TBL1X: variants seen among roughly 807,000 people sequenced by gnomAD.
TBL1X encodes the protein F-box-like/WD repeat-containing protein TBL1X.
Under a neutral mutation model 50.7 loss-of-function variants are expected in TBL1X, and 10 were observed. The observed-to-expected ratio is 0.20, with a 90% confidence interval of 0.12 to 0.33. The LOEUF (loss-of-function observed/expected upper bound fraction) is 0.33, where lower values mean the gene tolerates loss of function less well. TBL1X is among the 10% of genes least tolerant of loss of function. The pLI, the probability that TBL1X is intolerant of heterozygous loss-of-function variation, is 1.00. For synonymous variants in TBL1X, 190 were observed against 214.7 expected (o/e 0.88, Z 1.01); for missense variants, 340 against 504.4 (o/e 0.67, Z 3.12).
chrX:9,651,735 T>C (rs1601817387), intron 3 of TBL1X, among the ~76,000 whole-genome samples: 1 of 112,867 alleles, frequency 8.9e-6, no homozygotes, highest in Non-Finnish European at 1.9e-5. Context: ...AGGACAGACT[T>C]GTATTTTGAC....
intron 16 of TBL1X, among the ~76,000 whole-genome samples, chrX:9,713,661 C>T (rs1353997081): frequency 9.1e-6 from 1 of 110,353 alleles, no homozygotes; most frequent in Non-Finnish European, 1.9e-5. Context: ...CTCCTGACCC[C>T]AGGCAATCTA....
intron 2 of TBL1X, among the ~76,000 whole-genome samples, chrX:9,536,847 A>C (rs1023987225): frequency 1.8e-5 from 2 of 111,690 alleles, no homozygotes; most frequent in Non-Finnish European, 3.8e-5. Context: ...GACTTTTATC[A>C]TAGAGACATT....
intron 5 of TBL1X, among the ~76,000 whole-genome samples, chrX:9,666,205 A>G (rs1224004213): frequency 8.9e-6 from 1 of 111,814 alleles, no homozygotes; most frequent in Non-Finnish European, 1.9e-5. Flanking sequence ...CCTTCCAGCT[A>G]TGCCTGCTTA....
chrX:9,473,967 G>A (rs1238030301), intron 1 of TBL1X, among the ~76,000 whole-genome samples: 1 of 112,213 alleles, frequency 8.9e-6, no homozygotes, highest in East Asian at 2.8e-4. Flanking sequence ...AAATTTTATG[G>A]GACTCTGAGT....
intron 13 of TBL1X, among the ~76,000 whole-genome samples, chrX:9,707,355 C>G (rs1262016439): frequency 1.8e-5 from 2 of 112,345 alleles, no homozygotes; most frequent in East Asian, 5.6e-4. Flanking sequence ...AAACTTATTT[C>G]TCCTCTAACC....
intron 1 of TBL1X, among the ~76,000 whole-genome samples, chrX:9,500,449 A>G (rs2081995301): frequency 1.8e-5 from 2 of 110,353 alleles, no homozygotes; most frequent in Admixed American, 9.6e-5. Context: ...ACAAAATATT[A>G]GCTGGATGTG....
In TBL1X at chrX:9,674,373, C is replaced by T. The variant is rs1233573952; in HGVS notation, c.212-9670C>T. Among the ~76,000 whole-genome samples the T allele has an allele frequency of 3.6e-5, 4 of 110,411 alleles. No individual in the cohort carries two copies. The East Asian group carries it at 1.2e-3, about 32-fold the overall frequency. On this transcript the variant is annotated intron_variant, in intron 5 of 17. Transcript: ENST00000645353. ...CTCCTGGGCTCAAGCAGTCCTCCCACCTCAGTCTCCCCAAGTAGCTGGGAC... is the reference window on the plus strand; with the variant it reads ...CTCCTGGGCTCAAGCAGTCCTCCCATCTCAGTCTCCCCAAGTAGCTGGGAC...
chrX:9,651,395 A>T (rs1303383448), intron 3 of TBL1X, among the ~76,000 whole-genome samples: 1 of 111,722 alleles, frequency 9.0e-6, no homozygotes, highest in Non-Finnish European at 1.9e-5. Context: ...AACCCTTCGT[A>T]GCAACCAGCC....
Position 9,643,744 on chromosome X carries a change from C to G in TBL1X, c.-43+3384C>G, listed in dbSNP as rs755227507. Among the ~76,000 whole-genome samples, 4 of 111,184 alleles carry G rather than the reference C, an allele frequency of 3.6e-5. No individual in the cohort carries two copies. The South Asian group carries it at 1.5e-3, about 42-fold the overall frequency. ...GAGGTGGTAACACATACCTGTAGTC[C>G]CAACTGCTCAAGAGGTTGAGGCAGG... On this transcript the variant is annotated intron_variant, in intron 3 of 17. Transcript: ENST00000645353.
intron 2 of TBL1X, among the ~76,000 whole-genome samples, chrX:9,584,500 A>G (rs751188389): frequency 8.9e-6 from 1 of 112,390 alleles, no homozygotes; most frequent in Non-Finnish European, 1.9e-5. Flanking sequence ...TGGTCTAGGT[A>G]GAATATTTCT....
At chrX:9,696,989 G>T (rs1200207502) in intron 11 of TBL1X, among the ~76,000 whole-genome samples, 2 of 112,261 alleles carry the variant, frequency 1.8e-5, no homozygotes, top group African/African-American at 6.5e-5. Flanking sequence ...GGAGATGCCA[G>T]CATATGTGGC....
intron 2 of TBL1X, among the ~76,000 whole-genome samples, chrX:9,625,029 T>C (rs987435889): frequency 1.8e-5 from 2 of 112,415 alleles, no homozygotes; most frequent in Admixed American, 9.5e-5. Context: ...ATTGTTCCAT[T>C]TGAAACTACA....
intron 11 of TBL1X, among the ~76,000 whole-genome samples, chrX:9,695,556 G>A (rs1367795700): frequency 8.9e-6 from 1 of 112,410 alleles, no homozygotes; most frequent in Admixed American, 9.4e-5. Context: ...TCATGAAAAT[G>A]ACAGCACTTT....
intron 1 of TBL1X, among the ~76,000 whole-genome samples, chrX:9,468,155 T>G (rs2081789324): frequency 8.9e-6 from 1 of 112,159 alleles, no homozygotes; most frequent in Non-Finnish European, 1.9e-5. Flanking sequence ...ACTGCTTCCT[T>G]TTCTTGTCTA....
chrX:9,482,833 A>AC (rs918530826), intron 1 of TBL1X, among the ~76,000 whole-genome samples: 1 of 109,825 alleles, frequency 9.1e-6, no homozygotes, highest in African/African-American at 3.3e-5. Flanking sequence ...GAGCTAATCC[A>AC]CCCCCCATCT....
chrX:9,688,187 C>T lies in TBL1X; in HGVS notation c.528C>T (p.Thr176=). ...CCACGGCAGCAGCGACAGCAGCCACCACGACCTCAGCCGGCGTTTCCCACC... is the reference window on the plus strand; with the variant it reads ...CCACGGCAGCAGCGACAGCAGCCACTACGACCTCAGCCGGCGTTTCCCACC... ...AAATAAATAA[T]TTSAGVSHQN... is the part of the protein sequence containing the mutation. Residue 176 remains threonine (T), a synonymous_variant, in exon 7 of 18, where the codon ACC becomes ACT. Coordinates refer to ENST00000645353, the MANE Select transcript of TBL1X (RefSeq NM_005647.4). 8.3e-7 allele frequency: 1 copy of T among 1,198,246 alleles called. No homozygotes were observed. The highest frequency in any genetic ancestry group is 1.8e-5 in the South Asian group (1 of 55,190).
At chrX:9,549,233 G>C (rs979228991) in intron 2 of TBL1X, among the ~76,000 whole-genome samples, 50 of 112,499 alleles carry the variant, frequency 4.4e-4, no homozygotes, top group African/African-American at 1.4e-3. Context: ...GTGGCCAGGA[G>C]GTGGGGGTCC....
At chrX:9,474,370 C>T (rs149484659) in intron 1 of TBL1X, among the ~76,000 whole-genome samples, 41 of 113,239 alleles carry the variant, frequency 3.6e-4, no homozygotes, top group Non-Finnish European at 6.2e-4. Context: ...CAGTTGTACT[C>T]CCCTTTCCTC....
chrX:9,600,287 A>T (rs2082548520), intron 2 of TBL1X, among the ~76,000 whole-genome samples: 1 of 109,605 alleles, frequency 9.1e-6, no homozygotes, highest in African/African-American at 3.3e-5. Flanking sequence ...TTTCTCACAG[A>T]CAGCATCTTT....
Sources: gnomAD v4.1 joint callset for allele counts (sites outside exome capture counted in the v4.1 genomes callset) on GRCh38, gnomAD v4.1.1 for gene constraint, MANE v1.5 for transcripts, NCBI Gene and HGNC (gene_info 2026-07-23, HGNC 2026-07-21) for gene names.